Variants in CAB39L observed in about 807,000 individuals in gnomAD.
CAB39L encodes the protein calcium-binding protein 39-like.
Under a neutral mutation model 39.1 loss-of-function variants are expected in CAB39L, and 23 were observed. The observed-to-expected ratio is 0.59, with a 90% CI of 0.42 to 0.83. The LOEUF (loss-of-function observed/expected upper bound fraction) is 0.83, where lower values mean the gene tolerates loss of function less well. Among genes scored for constraint, CAB39L ranks in the 40% least tolerant of loss-of-function variants. The pLI, the probability that CAB39L is intolerant of heterozygous loss-of-function variation, is 0.00. For missense variants in CAB39L, 366 were observed against 391.9 expected (o/e 0.93, Z 0.56); for synonymous variants, 126 against 137.2 (o/e 0.92, Z 0.57).
chr13:49,397,365 A>G (rs1316945981), intron 3 of CAB39L, among the ~76,000 whole-genome samples: 1 of 152,140 alleles, frequency 6.6e-6, no homozygotes, highest in Non-Finnish European at 1.5e-5. Flanking sequence ...GGCAATTTAC[A>G]CAGAAATGGA....
intron 3 of CAB39L, among the ~76,000 whole-genome samples, chr13:49,422,331 G>A (rs1431584469): frequency 6.6e-6 from 1 of 152,220 alleles, no homozygotes; most frequent in Non-Finnish European, 1.5e-5. Flanking sequence ...CCAGCACTTT[G>A]GGAGGCCCAG....
chr13:49,436,606 C>T, intron 1 of CAB39L, among the ~76,000 whole-genome samples: 1 of 136,710 alleles, frequency 7.3e-6, no homozygotes. Flanking sequence ...CTATATTGCC[C>T]AGGCTGGCCT....
chr13:49,371,083 A>T (rs1955902672), intron 5 of CAB39L, among the ~76,000 whole-genome samples: 2 of 152,164 alleles, frequency 1.3e-5, no homozygotes. Context: ...TAAATGTATA[A>T]TGTACAGTTA....
At chr13:49,327,385 C>A (rs1211059602) in intron 10 of CAB39L, among the ~76,000 whole-genome samples, 3 of 152,006 alleles carry the variant, frequency 2.0e-5, no homozygotes, top group Non-Finnish European at 4.4e-5. Flanking sequence ...CTTACTGCAA[C>A]CTCTGCTTCC....
At chr13:49,377,881 C>T (rs1306991970) in intron 4 of CAB39L, among the ~76,000 whole-genome samples, 2 of 83,284 alleles carry the variant, frequency 2.4e-5, no homozygotes, top group Non-Finnish European at 4.8e-5. Flanking sequence ...CGTCTCCGCC[C>T]GGCCGCCATC....
At chr13:49,340,183 C>A (rs181697018) in intron 8 of CAB39L, among the ~76,000 whole-genome samples, 1 of 152,208 alleles carries the variant, frequency 6.6e-6, no homozygotes, top group African/African-American at 2.4e-5. Context: ...AACGAGGCAA[C>A]CTTTGTTGCA....
chr13:49,380,978 A>G (rs920702669), intron 4 of CAB39L, among the ~76,000 whole-genome samples: 5 of 152,278 alleles, frequency 3.3e-5, no homozygotes, highest in African/African-American at 9.6e-5. Context: ...CCGAGGCTGG[A>G]GTGCAACAGC....
chr13:49,312,573 A>T (rs1954026920), intron 10 of CAB39L, among the ~76,000 whole-genome samples: 1 of 152,232 alleles, frequency 6.6e-6, no homozygotes, highest in Non-Finnish European at 1.5e-5. Flanking sequence ...TCCACCACCT[A>T]GGTCTGCGTA....
intron 1 of CAB39L, among the ~76,000 whole-genome samples, chr13:49,442,799 A>C (rs923117923): frequency 5.6e-4 from 75 of 132,966 alleles, no homozygotes; most frequent in Middle Eastern, 3.5e-3. Flanking sequence ...AAAAAAAAAA[A>C]AAAAAAAAAA....
chr13:49,377,007 A>G lies in CAB39L; in HGVS notation c.236T>C (p.Leu79Pro). The change falls in exon 5 of 11, where the codon CTA (leucine) becomes CCA (proline). Residue 79 changes from leucine (L) to proline (P), a missense_variant. Leu to Pro is a moderately conservative substitution (Grantham distance 98). Transcript: ENST00000409308. The stretch of plus-strand genomic sequence containing the variant: ...CTGCAGGTCAGCTATCAGTGTCACT[A>G]GCAGGCCACTGCTGTAGAGTTCTTG... ...LAQELYSSGL[L>P]VTLIADLQLI... 6.2e-7 allele frequency: 1 copy of G among 1,613,344 alleles called. No homozygotes were observed. Among genetic ancestry groups the G allele is most frequent in the Non-Finnish European group, 8.5e-7 (1 of 1,179,432 alleles).
intron 10 of CAB39L, among the ~76,000 whole-genome samples, chr13:49,328,296 A>G (rs1954562283): frequency 6.6e-6 from 1 of 152,230 alleles, no homozygotes; most frequent in Admixed American, 6.5e-5. Flanking sequence ...TGAAGAACAT[A>G]AAGTGGTATC....
intron 3 of CAB39L, among the ~76,000 whole-genome samples, chr13:49,390,169 G>A (rs906085714): frequency 2.6e-5 from 4 of 152,076 alleles, no homozygotes; most frequent in Admixed American, 2.6e-4. Flanking sequence ...TTACAGGTGT[G>A]AGCCACCACA....
intron 3 of CAB39L, 70 bp from the exon 4 acceptor site, chr13:49,383,011 C>T: frequency 1.7e-6 from 1 of 603,898 alleles, no homozygotes; most frequent in Non-Finnish European, 2.9e-6. Context: ...ATACCAATGT[C>T]TTATAAGTTT....
intron 4 of CAB39L, among the ~76,000 whole-genome samples, chr13:49,381,549 G>A (rs1566105326): frequency 6.6e-6 from 1 of 152,128 alleles, no homozygotes; most frequent in African/African-American, 2.4e-5. Context: ...TTTTATAGAT[G>A]AGAAAACTTA....
At position 49,427,258 on chromosome 13, in the gene CAB39L, C is replaced by A. The variant is rs1219456613; in HGVS notation, c.-32+6060G>T. 2.0e-5 allele frequency among the ~76,000 whole-genome samples: 3 copies of A among 152,184 alleles called. No homozygotes were observed. The East Asian group carries it at 5.8e-4, about 29-fold the overall frequency. ...TTCTCCCATTTTCCTTTAAGCCCTT[C>A]CTGGCAACCTCACCAAAAAAACATG... On this transcript the variant is annotated intron_variant, in intron 3 of 10. Transcript: ENST00000409308.
At chr13:49,418,857 AG>A (rs1419810231) in intron 3 of CAB39L, among the ~76,000 whole-genome samples, 2 of 152,104 alleles carry the variant, frequency 1.3e-5, no homozygotes, top group Non-Finnish European at 2.9e-5. Flanking sequence ...CACCACGCCC[AG>A]CCAAGCAAAC....
chr13:49,400,830 T>C (rs1594059887), intron 3 of CAB39L, among the ~76,000 whole-genome samples: 1 of 152,292 alleles, frequency 6.6e-6, no homozygotes, highest in Middle Eastern at 3.4e-3. Flanking sequence ...AGGTATACTG[T>C]ACTGCCACTA....
At chr13:49,417,058 G>A (rs952919337) in intron 3 of CAB39L, among the ~76,000 whole-genome samples, 2 of 152,100 alleles carry the variant, frequency 1.3e-5, no homozygotes, top group Non-Finnish European at 1.5e-5. Context: ...GTTTATGTTG[G>A]CATCTAAAAT....
chr13:49,420,631 C>A (rs1357136284), intron 3 of CAB39L, among the ~76,000 whole-genome samples: 4 of 152,156 alleles, frequency 2.6e-5, no homozygotes, highest in African/African-American at 9.7e-5. Context: ...ACATATTTTT[C>A]TTTATTCTTC....
Sources: allele counts gnomAD v4.1 joint callset (sites outside exome capture counted in the v4.1 genomes callset), GRCh38; gene constraint gnomAD v4.1.1; transcripts MANE v1.5; gene names NCBI Gene and HGNC (gene_info 2026-07-23, HGNC 2026-07-21).